IFT88: variants seen among roughly 807,000 people sequenced by gnomAD.
IFT88 encodes the protein intraflagellar transport 88.
Under a neutral mutation model 119.5 loss-of-function variants are expected in IFT88, and 74 were observed. The ratio of observed to expected loss-of-function variants is 0.62; its 90% CI spans 0.51 to 0.75. The LOEUF (loss-of-function observed/expected upper bound fraction) is 0.75. IFT88 is among the 30% of genes least tolerant of loss of function. The pLI is 0.00. For synonymous variants in IFT88, 279 were observed against 316.7 expected (o/e 0.88, Z 1.26); for missense variants, 961 against 977.7 (o/e 0.98, Z 0.23).
chr13:20,670,837 T>A, intron 23 of IFT88, 136 bp from the exon 24 acceptor site: 1 of 502,640 alleles, frequency 2.0e-6, no homozygotes, highest in Non-Finnish European at 3.2e-6. Context: ...TTTTTTTCTA[T>A]AGAATCAACT....
At chr13:20,690,145 G>T (rs1487865431) in intron 24 of IFT88, among the ~76,000 whole-genome samples, 1 of 152,184 alleles carries the variant, frequency 6.6e-6, no homozygotes, top group South Asian at 2.1e-4. Context: ...GAAATGGTCA[G>T]TGTGTTTATC....
At chr13:20,587,510 A>G (rs2039901957) in intron 3 of IFT88, among the ~76,000 whole-genome samples, 1 of 152,126 alleles carries the variant, frequency 6.6e-6, no homozygotes, top group Non-Finnish European at 1.5e-5. Flanking sequence ...CACCCACCTC[A>G]GTGTCCCAAA....
chr13:20,659,148 A>G (rs564547855), intron 22 of IFT88, among the ~76,000 whole-genome samples: 2 of 152,326 alleles, frequency 1.3e-5, no homozygotes, highest in Admixed American at 1.3e-4. Flanking sequence ...GTTACAGATG[A>G]TGTACTAAAT....
chr13:20,683,366 C>A (rs1009757800), intron 24 of IFT88, among the ~76,000 whole-genome samples: 1 of 152,128 alleles, frequency 6.6e-6, no homozygotes, highest in African/African-American at 2.4e-5. Flanking sequence ...ATGCCAGGCA[C>A]GTACCCCATC....
At position 20,598,610 on chromosome 13, in the gene IFT88, A is replaced by C. The variant is rs201758813; in HGVS notation, c.595-41A>C. 48 of 1,217,008 alleles carry C rather than the reference A, an allele frequency of 3.9e-5. No individual in the cohort carries two copies. The East Asian group carries it at 1.0e-3, about 26-fold the overall frequency. The allele number at this position is 1,217,008 out of a possible 1,614,324, so 75.4% of individuals were successfully genotyped here. On this transcript the variant is annotated intron_variant, in intron 9 of 25. Coordinates refer to ENST00000351808, the MANE Select transcript of IFT88 (RefSeq NM_006531.5). ...AAGATTATAGGTGAAAGGGGCCTAAAGTGGTCTTATGTGTCTTTTCTATAA... is the reference window on the plus strand; with the variant it reads ...AAGATTATAGGTGAAAGGGGCCTAACGTGGTCTTATGTGTCTTTTCTATAA...
chr13:20,583,051 TA>T (rs771911171), intron 3 of IFT88, 32 bp downstream of exon 3: 2 of 1,332,204 alleles, frequency 1.5e-6, no homozygotes, highest in Non-Finnish European at 2.2e-6. Flanking sequence ...TAAATTGTGG[TA>T]AAAAATACAT....
chr13:20,617,870 T>G (rs2045881248), intron 14 of IFT88, among the ~76,000 whole-genome samples: 2 of 151,246 alleles, frequency 1.3e-5, no homozygotes, highest in South Asian at 4.2e-4. Flanking sequence ...CTCGGCTCAC[T>G]GCAATCTCCA....
intron 24 of IFT88, 101 bp from the exon 25 acceptor site, chr13:20,690,604 C>G: frequency 1.4e-6 from 1 of 734,502 alleles, no homozygotes. Context: ...ATTAAACAAC[C>G]TGCTTGTTTC....
At chr13:20,686,013 AAAT>A (rs1335223297) in intron 24 of IFT88, among the ~76,000 whole-genome samples, 1 of 151,666 alleles carries the variant, frequency 6.6e-6, no homozygotes, top group Non-Finnish European at 1.5e-5. Flanking sequence ...GTTCAACTGG[AAAT>A]AATTCCAAGT....
At chr13:20,630,357 A>G (rs535541267) in intron 15 of IFT88, among the ~76,000 whole-genome samples, 2 of 152,302 alleles carry the variant, frequency 1.3e-5, no homozygotes, top group South Asian at 4.1e-4. Context: ...AGTATTTTCT[A>G]TAATCTTTCT....
At position 20,609,732 on chromosome 13, in the gene IFT88, A is replaced by G. The variant is rs978961413; in HGVS notation, c.1112+4627A>G. 2.6e-5 allele frequency among the ~76,000 whole-genome samples: 4 copies of G among 152,122 alleles called. No homozygotes were observed. The South Asian group carries it at 8.3e-4, about 31-fold the overall frequency. ...ACACTTCAGCCTGGCCAATAGAGTG[A>G]GACTCTGTCTCAAAAACAAACAAAC... On this transcript the variant is annotated intron_variant, in intron 13 of 25. Transcript: ENST00000351808.
intron 6 of IFT88, 26 bp downstream of exon 6, chr13:20,591,707 A>G (rs1449543647): frequency 4.0e-6 from 6 of 1,482,376 alleles, no homozygotes; most frequent in African/African-American, 1.4e-5. Context: ...TCTACTAATA[A>G]TCTTTTTTGG....
rs749723372 is a variant in IFT88, at chr13:20,638,383, G to A, written c.1438G>A (p.Asp480Asn). 3 of 1,493,610 alleles carry A rather than the reference G, an allele frequency of 2.0e-6. No individual in the cohort carries two copies. The highest frequency in any genetic ancestry group is 2.7e-6 in the Non-Finnish European group (3 of 1,125,272). The allele number at this position is 1,493,610 out of a possible 1,614,324, so 92.5% of individuals were successfully genotyped here. The change falls in exon 17 of 26, where the codon GAT (aspartate) becomes AAT (asparagine). Residue 480 changes from aspartate to asparagine, a missense_variant. Physicochemically the swap from Asp to Asn is conservative, Grantham distance 23 (BLOSUM62 1). Transcript: ENST00000351808. Reference sequence around the variant, plus strand: ...CTATGCAGATATAGCTGTGAACTCTGATAGATATAATCCAGCAGCTCTTAC... The same window carrying A: ...CTATGCAGATATAGCTGTGAACTCTAATAGATATAATCCAGCAGCTCTTAC... ...SSYADIAVNS[D>N]RYNPAALTNK... is the part of the protein sequence containing the mutation.
chr13:20,576,931 C>T (rs914362528), intron 2 of IFT88, among the ~76,000 whole-genome samples: 1 of 152,118 alleles, frequency 6.6e-6, no homozygotes, highest in African/African-American at 2.4e-5. Flanking sequence ...AGGTGTTGCA[C>T]CGAATCTGTA....
intron 24 of IFT88, among the ~76,000 whole-genome samples, chr13:20,688,731 T>C (rs913857872): frequency 6.6e-6 from 1 of 152,062 alleles, no homozygotes; most frequent in East Asian, 1.9e-4. Context: ...TTGTAATTAT[T>C]ATTTATTTAT....
intron 1 of IFT88, among the ~76,000 whole-genome samples, chr13:20,573,445 T>A (rs2036775973): frequency 6.6e-6 from 1 of 152,142 alleles, no homozygotes; most frequent in Non-Finnish European, 1.5e-5. Context: ...TCAAGTAAAC[T>A]TTTTAGAATT....
At chr13:20,680,104 C>T (rs1461582689) in intron 24 of IFT88, among the ~76,000 whole-genome samples, 2 of 152,166 alleles carry the variant, frequency 1.3e-5, no homozygotes, top group East Asian at 3.9e-4. Flanking sequence ...ATGTCCAATC[C>T]AGTTTACAGA....
chr13:20,682,541 T>C (rs1390043582), intron 24 of IFT88, among the ~76,000 whole-genome samples: 1 of 152,192 alleles, frequency 6.6e-6, no homozygotes, highest in Non-Finnish European at 1.5e-5. Flanking sequence ...TGATCCCTAC[T>C]TATGGTTACT....
At chr13:20,690,666 A>G (rs1306327878) in intron 24 of IFT88, 39 bp from the exon 25 acceptor site, 1 of 1,311,682 alleles carries the variant, frequency 7.6e-7, no homozygotes. Flanking sequence ...TGTTTTCTCA[A>G]CATATTAAAC....
Sources: gnomAD v4.1 joint callset for allele counts (sites outside exome capture counted in the v4.1 genomes callset) on GRCh38, gnomAD v4.1.1 for gene constraint, MANE v1.5 for transcripts, NCBI Gene and HGNC (gene_info 2026-07-23, HGNC 2026-07-21) for gene names.